Variants in BMPR1A observed in about 807,000 individuals in gnomAD.
BMPR1A encodes the protein bone morphogenetic protein receptor type 1A.
A neutral mutation model predicts 66.0 loss-of-function variants in BMPR1A; 7 were observed. That is an observed-to-expected ratio of 0.11 (90% CI 0.06 to 0.20). The LOEUF (loss-of-function observed/expected upper bound fraction) is 0.20. Ranked by LOEUF, BMPR1A falls within the 10% of genes least tolerant of loss-of-function variation. The probability of loss-of-function intolerance (pLI) is 1.00; values close to 1 mark genes in which losing one functional copy is unlikely to be tolerated. For synonymous variants in BMPR1A, 200 were observed against 229.7 expected (o/e 0.87, Z 1.17); for missense variants, 408 against 669.1 (o/e 0.61, Z 4.31).
At chr10:86,799,457 T>TTCCTTCCTTC (rs1841774865) in intron 1 of BMPR1A, among the ~76,000 whole-genome samples, 6 of 144,342 alleles carry the variant, frequency 4.2e-5, no homozygotes, top group African/African-American at 1.4e-4. Flanking sequence ...ACATTTTCTT[T>TTCCTTCCTTC]CTTCCTTCCT....
At chr10:86,891,133 AT>A (rs1347090173) in intron 4 of BMPR1A, among the ~76,000 whole-genome samples, 3 of 152,204 alleles carry the variant, frequency 2.0e-5, no homozygotes, top group African/African-American at 7.2e-5. Flanking sequence ...CATGACGGTC[AT>A]CGTGTCTTAG....
intron 3 of BMPR1A, among the ~76,000 whole-genome samples, chr10:86,888,483 C>G (rs1843100743): frequency 6.6e-6 from 1 of 151,902 alleles, no homozygotes; most frequent in African/African-American, 2.4e-5. Flanking sequence ...AAAATGTTCT[C>G]TATACTCATT....
At chr10:86,797,069 T>TTTTTTTTC (rs1554879660) in intron 1 of BMPR1A, among the ~76,000 whole-genome samples, 2 of 87,586 alleles carry the variant, frequency 2.3e-5, no homozygotes, top group African/African-American at 1.2e-4. Context: ...TTTTCTTTTC[T>TTTTTTTTC]TTTTTTTTTT....
intron 2 of BMPR1A, among the ~76,000 whole-genome samples, chr10:86,839,676 ATT>A (rs1032329020): frequency 1.4e-5 from 2 of 145,102 alleles, no homozygotes; most frequent in Non-Finnish European, 1.5e-5. Context: ...AGAATTCAGA[ATT>A]TTTTTTTTTT....
chr10:86,929,653 CG>C (rs1843790494), downstream of BMPR1A: 1 of 152,182 alleles, frequency 6.6e-6, no homozygotes, highest in Non-Finnish European at 1.5e-5. Context: ...TAATCGCAGG[CG>C]CTCTGATGCA....
In BMPR1A at chr10:86,876,057, C is replaced by G; in HGVS notation, c.39C>G (p.Ala13=). 6.2e-7 allele frequency: 1 copy of G among 1,612,024 alleles called. No homozygotes were observed. ...QLYIYIRLLG[A]YLFIISRVQG... is the part of the protein sequence containing the mutation. Reference sequence around the variant, plus strand: ...ACATTTACATCAGATTATTGGGAGCCTATTTGTTCATCATTTCTCGTGTTC... The same window carrying G: ...ACATTTACATCAGATTATTGGGAGCGTATTTGTTCATCATTTCTCGTGTTC... The change falls in exon 3 of 13, where the codon GCC becomes GCG. Residue 13 remains alanine (A), a synonymous_variant. Transcript: ENST00000372037.
intron 1 of BMPR1A, among the ~76,000 whole-genome samples, chr10:86,762,897 G>GTATT (rs1342950798): frequency 2.6e-5 from 4 of 151,686 alleles, no homozygotes; most frequent in African/African-American, 4.8e-5. Flanking sequence ...GTATTCAGTA[G>GTATT]TATTTATTTA....
chr10:86,773,131 T>TG (rs1564679483), intron 1 of BMPR1A, among the ~76,000 whole-genome samples: 3 of 151,110 alleles, frequency 2.0e-5, no homozygotes, highest in Admixed American at 6.6e-5. Flanking sequence ...TAGTTATCTT[T>TG]TTTTTTTTTT....
intron 1 of BMPR1A, among the ~76,000 whole-genome samples, chr10:86,784,945 T>A (rs1300859962): frequency 6.6e-6 from 1 of 152,184 alleles, no homozygotes; most frequent in Non-Finnish European, 1.5e-5. Flanking sequence ...TTATTTAAGA[T>A]CTTTTTAAAT....
At chr10:86,845,455 G>C (rs896919455) in intron 2 of BMPR1A, among the ~76,000 whole-genome samples, 4 of 152,152 alleles carry the variant, frequency 2.6e-5, no homozygotes, top group African/African-American at 9.7e-5. Flanking sequence ...CCATGCTGTT[G>C]AGCAGTCTCC....
At chr10:86,845,140 C>G (rs938799312) in intron 2 of BMPR1A, among the ~76,000 whole-genome samples, 1 of 152,130 alleles carries the variant, frequency 6.6e-6, no homozygotes, top group Non-Finnish European at 1.5e-5. Context: ...AGTTTGTGTT[C>G]CCTTGAAAGA....
chr10:86,931,803 A>G (rs1329169356), downstream of BMPR1A: 1 of 151,592 alleles, frequency 6.6e-6, no homozygotes, highest in Non-Finnish European at 1.5e-5. Context: ...GACCTGGGAA[A>G]TTTTCTCCCA....
intron 1 of BMPR1A, among the ~76,000 whole-genome samples, chr10:86,769,486 G>A (rs1841216643): frequency 6.6e-6 from 1 of 152,136 alleles, no homozygotes; most frequent in Non-Finnish European, 1.5e-5. Context: ...GGATGATTAG[G>A]ACCTCAAAGT....
At chr10:86,841,581 A>T (rs542381387) in intron 2 of BMPR1A, among the ~76,000 whole-genome samples, 1 of 152,360 alleles carries the variant, frequency 6.6e-6, no homozygotes, top group African/African-American at 2.4e-5. Context: ...GTAATACTGT[A>T]AAATACATAT....
intron 2 of BMPR1A, among the ~76,000 whole-genome samples, chr10:86,874,204 C>T (rs1842889641): frequency 6.6e-6 from 1 of 151,972 alleles, no homozygotes; most frequent in Admixed American, 6.6e-5. Context: ...GCCTTTTCCC[C>T]CGTTATTTAT....
At chr10:86,917,033 G>T (rs1471314823) in intron 8 of BMPR1A, 101 bp from the exon 9 acceptor site, 3 of 1,290,778 alleles carry the variant, frequency 2.3e-6, no homozygotes, top group Non-Finnish European at 3.3e-6. Flanking sequence ...ACTGGAGTTG[G>T]TTGGGTACAC....
At chr10:86,832,647 A>G (rs1842287727) in intron 1 of BMPR1A, among the ~76,000 whole-genome samples, 1 of 152,072 alleles carries the variant, frequency 6.6e-6, no homozygotes, top group Non-Finnish European at 1.5e-5. Flanking sequence ...CTTTTCCTAA[A>G]CATTTATGCG....
intron 1 of BMPR1A, among the ~76,000 whole-genome samples, chr10:86,799,224 C>T (rs1841771088): frequency 1.3e-5 from 2 of 152,054 alleles, no homozygotes; most frequent in South Asian, 4.1e-4. Flanking sequence ...AAAGGCAACC[C>T]TAACCAACCA....
At chr10:86,834,717 T>C (rs1192693753) in intron 1 of BMPR1A, among the ~76,000 whole-genome samples, 1 of 152,214 alleles carries the variant, frequency 6.6e-6, no homozygotes, top group African/African-American at 2.4e-5. Flanking sequence ...TAACTGTTCA[T>C]TTGAGTTATT....
Sources: gnomAD v4.1 joint callset for allele counts (sites outside exome capture counted in the v4.1 genomes callset) on GRCh38, gnomAD v4.1.1 for gene constraint, MANE v1.5 for transcripts, NCBI Gene and HGNC (gene_info 2026-07-23, HGNC 2026-07-21) for gene names.